Variants in ZNF354C observed in about 807,000 individuals in gnomAD.
The protein encoded by ZNF354C is KRAB-zinc finger protein synten.
In ZNF354C, 7 loss-of-function variants were observed where a neutral mutation model predicts 12.4. The observed-to-expected ratio is 0.56, with a 90% CI of 0.32 to 1.06. The LOEUF (loss-of-function observed/expected upper bound fraction) is 1.06. Among genes scored for constraint, ZNF354C ranks in the 50% least tolerant of loss-of-function variants. The pLI is 0.04. For missense variants in ZNF354C, 609 were observed against 658.0 expected (o/e 0.93, Z 0.81); for synonymous variants, 202 against 224.5 (o/e 0.90, Z 0.90).
At chr5:179,069,837 G>C (rs1762024646) in intron 2 of ZNF354C, among the ~76,000 whole-genome samples, 1 of 152,228 alleles carries the variant, frequency 6.6e-6, no homozygotes, top group Non-Finnish European at 1.5e-5. Flanking sequence ...CTGCACTCCA[G>C]CCTGGGCGAC....
intron 2 of ZNF354C, among the ~76,000 whole-genome samples, chr5:179,068,953 C>T (rs1389895755): frequency 6.6e-6 from 1 of 152,228 alleles, no homozygotes; most frequent in African/African-American, 2.4e-5. Flanking sequence ...GTCCTGATCT[C>T]CCCTTCTTAG....
In ZNF354C at chr5:179,079,323, G is replaced by T. The variant is rs757366692; in HGVS notation, c.891G>T (p.Glu297Asp). 6.2e-7 allele frequency: 1 copy of T among 1,614,198 alleles called. No homozygotes were observed. Among genetic ancestry groups the T allele is most frequent in the South Asian group, 1.1e-5 (1 of 91,086 alleles). The change falls in exon 5 of 5, where the codon GAG becomes GAT. Residue 297 changes from glutamate to aspartate, a missense_variant. Coordinates refer to ENST00000315475, the MANE Select transcript of ZNF354C (RefSeq NM_014594.3). The surrounding 1 kb of genome is among the most constrained non-coding windows in gnomAD (Gnocchi z 4.2). ...AACATCTGAGAGTGCATACTGGAGA[G>T]AAACCGTATCGATGTAGGGAATGTG... ...LIKHLRVHTGEKPYRCRECGK... is the reference protein window; with the variant it reads ...LIKHLRVHTGDKPYRCRECGK...
At position 179,081,846 on chromosome 5, in the gene ZNF354C, G is replaced by T. The variant is rs1005070293; in HGVS notation, c.*1749G>T. 6.6e-6 allele frequency: 1 copy of T among 152,164 alleles called. No homozygotes were observed. The highest frequency in any genetic ancestry group is 1.5e-5 in the Non-Finnish European group (1 of 68,026). 9.4% of individuals were successfully genotyped at this position (152,164 alleles called of 1,614,324 possible). On this transcript the variant is annotated 3_prime_UTR_variant, in exon 5 of 5. Transcript: ENST00000315475. ...AGAAAATAAAATAAAAAGCAAGATA[G>T]TATTTGAAGACTAATGGGGTAATGT...
rs527447300 is a variant in ZNF354C at position 179,070,019 on chromosome 5, C to A, written c.28-6426C>A. The stretch of plus-strand genomic sequence containing the variant: ...GGAAGAGAACAAAGGTCTCCAACCC[C>A]CAGTTTTGCAGACCGGTACCAGCTC... On this transcript the variant is annotated intron_variant, in intron 2 of 4. Transcript: ENST00000315475. Among the ~76,000 whole-genome samples the A allele has an allele frequency of 3.9e-5, 6 of 152,292 alleles. No individual in the cohort carries two copies. The South Asian group carries it at 1.2e-3, about 32-fold the overall frequency.
Position 179,079,248 on chromosome 5 carries a change from C to T in ZNF354C, c.816C>T (p.Tyr272=). The T allele has an allele frequency of 6.2e-7, 1 of 1,613,794 alleles. No homozygotes were observed. Residue 272 remains tyrosine, a synonymous_variant, in exon 5 of 5, where the codon TAC becomes TAT. Coordinates refer to ENST00000315475, the MANE Select transcript of ZNF354C (RefSeq NM_014594.3). The surrounding 1 kb of genome is among the most constrained non-coding windows in gnomAD (Gnocchi z 4.2). The part of the protein sequence containing the change: ...HQRIHTGEKP[Y]KCNECEKAFS... ...GAATTCATACTGGAGAGAAACCTTA[C>T]AAGTGTAATGAATGTGAGAAGGCAT... is the stretch of plus-strand genomic sequence containing the variant.
In ZNF354C at chr5:179,076,661, A is replaced by G. The variant is rs1762128299; in HGVS notation, c.154+90A>G. 5 of 1,512,006 alleles carry G rather than the reference A, an allele frequency of 3.3e-6. 1 individual carries two copies. In the African/African-American group the frequency reaches 4.2e-5, roughly 13 times the overall value. The allele number at this position is 1,512,006 out of a possible 1,614,324, so 93.7% of individuals were successfully genotyped here. A position where few individuals can be genotyped will look rare whatever the true frequency, so the allele number is the denominator to read the frequency against. ...TTCCGAGCCTGTGGTCTTGTACCCT[A>G]CTGAGCCCCTCAGAAAGGCTGAATT... On this transcript the variant is annotated intron_variant, in intron 3 of 4. Coordinates refer to ENST00000315475, the MANE Select transcript of ZNF354C (RefSeq NM_014594.3).
At position 179,080,080 on chromosome 5, in the gene ZNF354C, A is replaced by G. The variant is rs1255483342; in HGVS notation, c.1648A>G (p.Lys550Glu). Residue 550 changes from lysine (K) to glutamate (E), a missense_variant, in exon 5 of 5, where the codon AAA (lysine) becomes GAA (glutamate). By Grantham distance (56) the Lys-to-Glu change is moderately conservative. Transcript: ENST00000315475. ...GTATCAGAGATTTTTTAAAGGAGAT[A>G]AAGCCTATGAGGTTTAGTTCATCTC... The part of the protein sequence containing the change: ...TQYQRFFKGD[K>E]AYEV 6.3e-7 allele frequency: 1 copy of G among 1,576,032 alleles called. No individual in the cohort carries two copies. Among genetic ancestry groups the G allele is most frequent in the Admixed American group, 2.0e-5 (1 of 51,156 alleles).
chr5:179,070,254 C>A (rs938523283), intron 2 of ZNF354C, among the ~76,000 whole-genome samples: 1 of 152,150 alleles, frequency 6.6e-6, no homozygotes, highest in Admixed American at 6.5e-5. Flanking sequence ...CAGTTTTATC[C>A]TGAGACCATT....
intron 1 of ZNF354C, among the ~76,000 whole-genome samples, chr5:179,061,740 A>G (rs1433292311): frequency 6.6e-6 from 1 of 152,124 alleles, no homozygotes; most frequent in Non-Finnish European, 1.5e-5. Flanking sequence ...TGTGCAGTTC[A>G]AAGCTAGCGA....
chr5:179,068,597 G>T (rs1025043189), intron 2 of ZNF354C, among the ~76,000 whole-genome samples: 1 of 150,674 alleles, frequency 6.6e-6, no homozygotes, highest in Non-Finnish European at 1.5e-5. Flanking sequence ...TTTAAAAAGC[G>T]AATGAAATTT....
intron 2 of ZNF354C, among the ~76,000 whole-genome samples, chr5:179,072,406 A>G (rs558198378): frequency 2.0e-5 from 3 of 152,290 alleles, no homozygotes; most frequent in South Asian, 2.1e-4. Flanking sequence ...ACAGGGAGAA[A>G]AAAGGCCCTC....
At chr5:179,061,935 C>T in intron 1 of ZNF354C, 80 bp from the exon 2 acceptor site, 2 of 949,524 alleles carry the variant, frequency 2.1e-6, no homozygotes, top group Non-Finnish European at 3.4e-6. Context: ...ACCTGATGGA[C>T]ATTATGGGCG....
rs1001219123 is a variant in ZNF354C, at chr5:179,081,403, A to T, written c.*1306A>T. On this transcript the variant is annotated 3_prime_UTR_variant, in exon 5 of 5. Coordinates refer to ENST00000315475, the MANE Select transcript of ZNF354C (RefSeq NM_014594.3). ...GAGTTTATTATTAAGCATTCCTTTC[A>T]TCAGTTTAAATGTTTAATTCCTCCC... is the stretch of plus-strand genomic sequence containing the variant. The T allele has an allele frequency of 6.6e-6, 1 of 152,108 alleles. No homozygotes were observed. Among genetic ancestry groups the T allele is most frequent in the Non-Finnish European group, 1.5e-5 (1 of 68,014 alleles). 9.4% of individuals were successfully genotyped at this position (152,108 alleles called of 1,614,324 possible). A position where few individuals can be genotyped will look rare whatever the true frequency, so the allele number is the denominator to read the frequency against.
chr5:179,080,253 A>C lies in ZNF354C; in HGVS notation c.*156A>C, dbSNP rs1288556448. On this transcript the variant is annotated 3_prime_UTR_variant, in exon 5 of 5. Transcript: ENST00000315475. The stretch of plus-strand genomic sequence containing the variant: ...AAAATTGATCAGTGAGACTATGAAG[A>C]GCACTGACTTGTTAAATTTTAAAAG... 8.2e-6 allele frequency: 4 copies of C among 487,050 alleles called. No homozygotes were observed. Among genetic ancestry groups the C allele is most frequent in the Non-Finnish European group, 1.4e-5 (4 of 282,002 alleles). The allele number at this position is 487,050 out of a possible 1,614,324, so 30.2% of individuals were successfully genotyped here.
intron 2 of ZNF354C, among the ~76,000 whole-genome samples, chr5:179,066,002 C>T (rs774535481): frequency 2.0e-5 from 3 of 152,166 alleles, no homozygotes; most frequent in Non-Finnish European, 4.4e-5. Flanking sequence ...CCCACACTTA[C>T]GGCCTGGCAA....
intron 2 of ZNF354C, among the ~76,000 whole-genome samples, chr5:179,072,861 G>A (rs551558582): frequency 1.3e-5 from 2 of 151,652 alleles, no homozygotes; most frequent in Non-Finnish European, 2.9e-5. Flanking sequence ...TATGTTGTAT[G>A]TGTGTGTATG....
intron 2 of ZNF354C, among the ~76,000 whole-genome samples, chr5:179,065,396 G>A (rs1260201564): frequency 6.6e-6 from 1 of 151,834 alleles, no homozygotes; most frequent in Non-Finnish European, 1.5e-5. Flanking sequence ...ACTGGGTTAG[G>A]TTGTTTTTTG....
In ZNF354C at chr5:179,080,256, A is replaced by G; in HGVS notation, c.*159A>G. 2.1e-6 allele frequency: 1 copy of G among 485,600 alleles called. No individual in the cohort carries two copies. Among genetic ancestry groups the G allele is most frequent in the East Asian group, 3.3e-5 (1 of 30,172 alleles). The allele number at this position is 485,600 out of a possible 1,614,324, so 30.1% of individuals were successfully genotyped here. A position where few individuals can be genotyped will look rare whatever the true frequency, so the allele number is the denominator to read the frequency against. On this transcript the variant is annotated 3_prime_UTR_variant, in exon 5 of 5. Coordinates refer to ENST00000315475, the MANE Select transcript of ZNF354C (RefSeq NM_014594.3). ...ATTGATCAGTGAGACTATGAAGAGCACTGACTTGTTAAATTTTAAAAGAAC... is the reference window on the plus strand; with the variant it reads ...ATTGATCAGTGAGACTATGAAGAGCGCTGACTTGTTAAATTTTAAAAGAAC...
chr5:179,060,421 G>T lies in ZNF354C; in HGVS notation c.-300G>T, dbSNP rs1761871123. 1.3e-5 allele frequency: 2 copies of T among 152,642 alleles called. No homozygotes were observed. The highest frequency in any genetic ancestry group is 4.8e-5 in the African/African-American group (2 of 41,600). The allele number at this position is 152,642 out of a possible 1,614,324, so 9.5% of individuals were successfully genotyped here. On this transcript the variant is annotated 5_prime_UTR_variant, in exon 1 of 5. Coordinates refer to ENST00000315475, the MANE Select transcript of ZNF354C (RefSeq NM_014594.3). This position sits in a 1 kb window ranked among gnomAD's most constrained non-coding sequence, Gnocchi z 4.2. ...TTCGGGGACAGCTCGCGGCCTTTCG[G>T]GGGTTCTCCTGGCTTGGGCCATCCA...
Sources: gnomAD v4.1 joint callset for allele counts (sites outside exome capture counted in the v4.1 genomes callset) on GRCh38, gnomAD v4.1.1 for gene constraint, Gnocchi (gnomAD v3.1) non-coding constraint, MANE v1.5 for transcripts, NCBI Gene and HGNC (gene_info 2026-07-23, HGNC 2026-07-21) for gene names.